Variants in KPNA3 observed in about 807,000 individuals in gnomAD.
KPNA3 encodes karyopherin subunit alpha 3, also known as importin subunit alpha-4.
In KPNA3, 13 loss-of-function variants were observed where a neutral mutation model predicts 73.8. The observed-to-expected ratio is 0.18, with a 90% CI of 0.11 to 0.28. The LOEUF (loss-of-function observed/expected upper bound fraction) is 0.28. Ranked by LOEUF, KPNA3 falls within the 10% of genes least tolerant of loss-of-function variation. The pLI is 1.00. For synonymous variants in KPNA3, 186 were observed against 206.9 expected (o/e 0.90, Z 0.87); for missense variants, 360 against 618.1 (o/e 0.58, Z 4.43).
At chr13:49,770,959 A>G (rs1954850122) in intron 1 of KPNA3, among the ~76,000 whole-genome samples, 1 of 151,932 alleles carries the variant, frequency 6.6e-6, no homozygotes, top group African/African-American at 2.4e-5. Context: ...CCAGTATCAC[A>G]CAGTCTTAAT....
In KPNA3 at chr13:49,704,118, T is replaced by A. The variant is rs188751141; in HGVS notation, c.1372+1503A>T. Among the ~76,000 whole-genome samples the A allele has an allele frequency of 2.7e-3, 413 of 152,242 alleles. 1 individual carries two copies. The highest frequency in any genetic ancestry group is 9.5e-3 in the African/African-American group (394 of 41,538). Reference sequence around the variant, plus strand: ...AGACTCCTTAAAATCTGTGGGATAATTTCTTCTCAAGAAACCCTCCCGGCT... The same window carrying A: ...AGACTCCTTAAAATCTGTGGGATAAATTCTTCTCAAGAAACCCTCCCGGCT... On this transcript the variant is annotated intron_variant, in intron 15 of 16. Transcript: ENST00000261667.
chr13:49,773,825 C>T (rs1954874698), intron 1 of KPNA3, among the ~76,000 whole-genome samples: 1 of 152,144 alleles, frequency 6.6e-6, no homozygotes, highest in African/African-American at 2.4e-5. Flanking sequence ...CTCTAGGCAC[C>T]AGATAACTCC....
chr13:49,704,295 T>A (rs947963670), intron 15 of KPNA3, among the ~76,000 whole-genome samples: 2 of 151,748 alleles, frequency 1.3e-5, no homozygotes, highest in African/African-American at 4.8e-5. Context: ...TGGTGGTGCA[T>A]GCCTATAATC....
intron 10 of KPNA3, among the ~76,000 whole-genome samples, 168 bp downstream of exon 10, chr13:49,719,607 T>G (rs942969554): frequency 6.6e-6 from 1 of 152,196 alleles, no homozygotes; most frequent in East Asian, 1.9e-4. Flanking sequence ...CTGTTACTGC[T>G]TACAGATTTA....
intron 10 of KPNA3, among the ~76,000 whole-genome samples, chr13:49,716,856 C>G (rs1954308753): frequency 6.6e-6 from 1 of 152,180 alleles, no homozygotes; most frequent in Non-Finnish European, 1.5e-5. Flanking sequence ...CAGCCTCCTC[C>G]AGGTGATCTC....
chr13:49,731,708 A>G (rs571400225), intron 6 of KPNA3, among the ~76,000 whole-genome samples: 1 of 152,326 alleles, frequency 6.6e-6, no homozygotes, highest in Non-Finnish European at 1.5e-5. Flanking sequence ...GTTCAAACTT[A>G]TATTCTCCCC....
intron 1 of KPNA3, among the ~76,000 whole-genome samples, chr13:49,760,645 G>A (rs1566354031): frequency 6.6e-6 from 1 of 152,146 alleles, no homozygotes. Flanking sequence ...GCTGGTGAAA[G>A]CATTAATTAT....
rs1197136898 is a variant in KPNA3, at chr13:49,728,547, T to C, written c.384-3046A>G. ...CCAGAGGGATCAAGATCCTGAAGTA[T>C]TTCTTCAAGGAATTGTAAAAGGAGA... On this transcript the variant is annotated intron_variant, in intron 6 of 16. Transcript: ENST00000261667. Among the ~76,000 whole-genome samples the C allele has an allele frequency of 2.6e-5, 4 of 152,230 alleles. No individual in the cohort carries two copies. The South Asian group carries it at 6.2e-4, about 24-fold the overall frequency.
chr13:49,792,597 G>T lies in KPNA3; in HGVS notation c.-91C>A. ...GCGGGAGGGGGAGGAGGGGGAGAGC[G>T]GGAGGGGGGAGGGGAGAGAAGAGCA... is the stretch of plus-strand genomic sequence containing the variant. On this transcript the variant is annotated 5_prime_UTR_variant, in exon 1 of 17. Transcript: ENST00000261667. 2.9e-6 allele frequency: 1 copy of T among 349,210 alleles called. No homozygotes were observed. The highest frequency in any genetic ancestry group is 4.4e-6 in the Non-Finnish European group (1 of 226,414). The allele number at this position is 349,210 out of a possible 1,614,324, so 21.6% of individuals were successfully genotyped here. A position where few individuals can be genotyped will look rare whatever the true frequency, so the allele number is the denominator to read the frequency against.
intron 1 of KPNA3, among the ~76,000 whole-genome samples, chr13:49,749,998 C>A (rs570309384): frequency 1.3e-5 from 2 of 152,194 alleles, no homozygotes; most frequent in Non-Finnish European, 2.9e-5. Flanking sequence ...CTCATGTCTG[C>A]AATTACTGCT....
chr13:49,744,079 C>G (rs189214411), intron 2 of KPNA3, among the ~76,000 whole-genome samples: 1 of 152,226 alleles, frequency 6.6e-6, no homozygotes, highest in Non-Finnish European at 1.5e-5. Flanking sequence ...TAACCAATAC[C>G]TAGAAAGAGG....
rs138597009 is a variant in KPNA3 at position 49,776,113 on chromosome 13, G to A, written c.69+16325C>T. Among the ~76,000 whole-genome samples, 320 of 151,928 alleles carry A rather than the reference G, an allele frequency of 2.1e-3. 1 individual carries two copies. The highest frequency in any genetic ancestry group is 7.4e-3 in the African/African-American group (307 of 41,440). On this transcript the variant is annotated intron_variant, in intron 1 of 16. Coordinates refer to ENST00000261667, the MANE Select transcript of KPNA3 (RefSeq NM_002267.4). The stretch of plus-strand genomic sequence containing the variant: ...TATTGTTAGTAGAGACAAGAGTTTC[G>A]CCATGTTGACCAGGCTGGTCTCGAA...
Position 49,792,486 on chromosome 13 carries a change from C to A in KPNA3, c.21G>T (p.Leu7Phe). The change falls in exon 1 of 17, where the codon TTG (leucine) becomes TTT (phenylalanine). Residue 7 changes from leucine to phenylalanine, a missense_variant. Leu to Phe is a conservative substitution (Grantham distance 22, BLOSUM62 0). Transcript: ENST00000261667. ...TGAAGCTCTTGATGCGGTGGTTCTC[C>A]AAGCTGGGGTTCTCGGCCATGGCTG... MAENPS[L>F]ENHRIKSFKN... 1.3e-6 allele frequency: 2 copies of A among 1,581,606 alleles called. No individual in the cohort carries two copies. The highest frequency in any genetic ancestry group is 1.7e-6 in the Non-Finnish European group (2 of 1,165,190).
At chr13:49,790,308 G>C (rs918433655) in intron 1 of KPNA3, among the ~76,000 whole-genome samples, 4 of 152,064 alleles carry the variant, frequency 2.6e-5, no homozygotes, top group Admixed American at 2.0e-4. Flanking sequence ...CTCTAAAAAA[G>C]ATTAAAAAAT....
At chr13:49,724,682 T>A (rs1594437153) in intron 7 of KPNA3, among the ~76,000 whole-genome samples, 1 of 152,086 alleles carries the variant, frequency 6.6e-6, no homozygotes, top group Admixed American at 6.5e-5. Flanking sequence ...CTGCAACCTC[T>A]GCCTCCCTGG....
At chr13:49,787,755 C>T (rs1594466845) in intron 1 of KPNA3, among the ~76,000 whole-genome samples, 1 of 151,026 alleles carries the variant, frequency 6.6e-6, no homozygotes, top group African/African-American at 2.4e-5. Flanking sequence ...TCTTGACTCA[C>T]TGCAAGCTCC....
chr13:49,734,670 TG>T (rs1187186470), intron 2 of KPNA3, among the ~76,000 whole-genome samples: 1 of 152,208 alleles, frequency 6.6e-6, no homozygotes, highest in Non-Finnish European at 1.5e-5. Context: ...TTCAGGTCAC[TG>T]TGGAGCCCCA....
At chr13:49,758,895 A>G (rs893942370) in intron 1 of KPNA3, among the ~76,000 whole-genome samples, 1 of 152,218 alleles carries the variant, frequency 6.6e-6, no homozygotes, top group Non-Finnish European at 1.5e-5. Flanking sequence ...GTGCATAGAC[A>G]ATACTCTCAA....
Position 49,732,687 on chromosome 13 carries a change from GAA to G in KPNA3, c.235-32_235-31del, listed in dbSNP as rs11342957. 6,013 of 1,355,230 alleles carry G rather than the reference GAA, an allele frequency of 4.4e-3. 5 individuals are homozygous for G. The highest frequency in any genetic ancestry group is 5.6e-3 in the South Asian group (397 of 70,882). 84.0% of individuals were successfully genotyped at this position (1,355,230 alleles called of 1,614,324 possible). On this transcript the variant is annotated intron_variant, in intron 4 of 16. Transcript: ENST00000261667. ...AATACCAAATGTAAATTTCAGAAAT[GAA>G]AAAAAAAAAATCAATTTCAAAATAC... is the stretch of plus-strand genomic sequence containing the variant.
Sources: allele counts gnomAD v4.1 joint callset (sites outside exome capture counted in the v4.1 genomes callset), GRCh38; gene constraint gnomAD v4.1.1; transcripts MANE v1.5; gene names NCBI Gene and HGNC (gene_info 2026-07-23, HGNC 2026-07-21).